The following CPE variants were observed in gnomAD, a reference collection of about 807,000 sequenced individuals.
CPE encodes carbocypeptidase E.
In CPE, 17 loss-of-function variants were observed where a neutral mutation model predicts 53.5. The observed-to-expected ratio is 0.32, with a 90% CI of 0.22 to 0.48. The LOEUF (loss-of-function observed/expected upper bound fraction) is 0.48, where lower values mean the gene tolerates loss of function less well. Among genes scored for constraint, CPE ranks in the 20% least tolerant of loss-of-function variants. CPE has a pLI of 0.99. For missense variants in CPE, 524 were observed against 614.7 expected, an observed-to-expected ratio of 0.85 and a Z score of 1.56; for synonymous variants, 226 against 228.8, an observed-to-expected ratio of 0.99 and a Z score of 0.11.
intron 1 of CPE, among the ~76,000 whole-genome samples, chr4:165,390,518 T>C (rs751030236): frequency 2.0e-5 from 3 of 152,180 alleles, no homozygotes; most frequent in Non-Finnish European, 4.4e-5. Flanking sequence ...AATGCTTCTA[T>C]GTGTTAATGC....
At chr4:165,494,204 G>A (rs1204224589) in intron 7 of CPE, among the ~76,000 whole-genome samples, 1 of 152,198 alleles carries the variant, frequency 6.6e-6, no homozygotes, top group East Asian at 1.9e-4. Context: ...TAGCCCCTTA[G>A]CCCTTAGCTG....
rs10022006 is a variant in CPE, at chr4:165,410,293, G to T, written c.307+30765G>T. ...TTTTAACAGGTCAATCTTGAACTAT[G>T]TGAACAACTTCAATTTATAAAAGAG... On this transcript the variant is annotated intron_variant, in intron 1 of 8. Transcript: ENST00000402744. Among the ~76,000 whole-genome samples the T allele has an allele frequency of 1.3e-3, 195 of 150,470 alleles. 1 individual carries two copies. The highest frequency in any genetic ancestry group is 4.4e-3 in the African/African-American group (180 of 41,128).
intron 1 of CPE, among the ~76,000 whole-genome samples, chr4:165,448,822 A>C (rs1731759976): frequency 6.6e-6 from 1 of 152,186 alleles, no homozygotes; most frequent in Non-Finnish European, 1.5e-5. Context: ...AGCATGGAAG[A>C]GGTAAACACC....
At chr4:165,475,283 G>T (rs76864139) in intron 3 of CPE, among the ~76,000 whole-genome samples, 1 of 152,134 alleles carries the variant, frequency 6.6e-6, no homozygotes, top group African/African-American at 2.4e-5. Context: ...AAACAGCCCT[G>T]GAGGGTAACA....
At chr4:165,430,936 C>G (rs1560880034) in intron 1 of CPE, among the ~76,000 whole-genome samples, 2 of 152,204 alleles carry the variant, frequency 1.3e-5, no homozygotes, top group African/African-American at 2.4e-5. Flanking sequence ...CCAGGAGAAG[C>G]TCTGACCTCG....
intron 1 of CPE, among the ~76,000 whole-genome samples, chr4:165,416,822 T>TAA (rs1377714277): frequency 2.6e-5 from 4 of 151,894 alleles, no homozygotes; most frequent in Non-Finnish European, 5.9e-5. Flanking sequence ...AGGGACCTTC[T>TAA]CTGTCTCTCT....
At chr4:165,431,719 C>T (rs1339603243) in intron 1 of CPE, among the ~76,000 whole-genome samples, 1 of 151,982 alleles carries the variant, frequency 6.6e-6, no homozygotes, top group African/African-American at 2.4e-5. Context: ...AACTTTTTGG[C>T]AGAGATATCT....
intron 6 of CPE, among the ~76,000 whole-genome samples, chr4:165,492,399 G>A (rs1377658415): frequency 1.3e-5 from 2 of 152,204 alleles, no homozygotes; most frequent in Non-Finnish European, 2.9e-5. Context: ...AATTGAAAGA[G>A]AGTAAGTTAT....
intron 1 of CPE, among the ~76,000 whole-genome samples, chr4:165,415,725 TTGTC>T (rs774028786): frequency 2.0e-4 from 31 of 151,524 alleles, no homozygotes; most frequent in Non-Finnish European, 1.2e-4. Flanking sequence ...ATATATTTGT[TTGTC>T]TAGTACATAT....
Position 165,452,014 on chromosome 4 carries a change from G to A in CPE, c.308-12376G>A, listed in dbSNP as rs529215867. Reference sequence around the variant, plus strand: ...TTGCAGTAAGGAAGGGCATATAAAAGTGCCCTGTTTGTCTGGGATCAGAAA... The same window carrying A: ...TTGCAGTAAGGAAGGGCATATAAAAATGCCCTGTTTGTCTGGGATCAGAAA... On this transcript the variant is annotated intron_variant, in intron 1 of 8. Transcript: ENST00000402744. 6.7e-5 allele frequency among the ~76,000 whole-genome samples: 10 copies of A among 149,706 alleles called. No homozygotes were observed. The East Asian group carries it at 2.0e-3, about 31-fold the overall frequency.
chr4:165,396,788 G>T (rs191063101), intron 1 of CPE, among the ~76,000 whole-genome samples: 1 of 151,766 alleles, frequency 6.6e-6, no homozygotes, highest in African/African-American at 2.4e-5. Flanking sequence ...CCAGCACTTT[G>T]GGAGGCTGAG....
At chr4:165,466,590 C>T (rs1340838120) in intron 2 of CPE, among the ~76,000 whole-genome samples, 2 of 151,928 alleles carry the variant, frequency 1.3e-5, no homozygotes, top group African/African-American at 4.8e-5. Context: ...GATCTCGGCT[C>T]ACTGCACACT....
chr4:165,476,451 G>T (rs1732302687), intron 3 of CPE, among the ~76,000 whole-genome samples: 1 of 151,744 alleles, frequency 6.6e-6, no homozygotes, highest in Admixed American at 6.6e-5. Context: ...CCAGTCCAGT[G>T]TTCCTAGAGG....
At chr4:165,406,376 A>G (rs1730954774) in intron 1 of CPE, 2 of 439,644 alleles carry the variant, frequency 4.5e-6, no homozygotes, top group Non-Finnish European at 4.4e-6. Context: ...AGCAGTGGAG[A>G]GCGCTTCTCT....
chr4:165,433,727 A>G (rs772939328), intron 1 of CPE, among the ~76,000 whole-genome samples: 16 of 152,122 alleles, frequency 1.1e-4, no homozygotes, highest in Middle Eastern at 3.2e-3. Flanking sequence ...TGTTCTCATC[A>G]CTGTTTGCTG....
intron 5 of CPE, 72 bp downstream of exon 5, chr4:165,484,676 G>A: frequency 7.6e-7 from 1 of 1,317,694 alleles, no homozygotes. Context: ...TTTAGAGAGT[G>A]ATTTAGATTT....
chr4:165,454,555 C>T (rs1731869475), intron 1 of CPE, among the ~76,000 whole-genome samples: 1 of 152,144 alleles, frequency 6.6e-6, no homozygotes, highest in South Asian at 2.1e-4. Flanking sequence ...CGTTTTTCTC[C>T]TTCATTTATC....
At chr4:165,454,663 C>T (rs139186847) in intron 1 of CPE, among the ~76,000 whole-genome samples, 151 of 152,306 alleles carry the variant, frequency 9.9e-4, no homozygotes, top group African/African-American at 3.4e-3. Flanking sequence ...ATGAGCTGTT[C>T]ATTCATGGGC....
intron 1 of CPE, among the ~76,000 whole-genome samples, chr4:165,448,881 T>C (rs1045882036): frequency 2.0e-5 from 3 of 152,214 alleles, no homozygotes; most frequent in African/African-American, 7.2e-5. Context: ...TGTTCTTTGG[T>C]TGTGGTGCTA....
Sources: allele counts gnomAD v4.1 joint callset (sites outside exome capture counted in the v4.1 genomes callset), GRCh38; gene constraint gnomAD v4.1.1; transcripts MANE v1.5; gene names NCBI Gene and HGNC (gene_info 2026-07-23, HGNC 2026-07-21).